KLF12: variants seen among roughly 807,000 people sequenced by gnomAD.
KLF12 encodes the protein Krueppel-like factor 12.
Under a neutral mutation model 37.8 loss-of-function variants are expected in KLF12, and 9 were observed. The observed-to-expected ratio is 0.24, with a 90% CI of 0.14 to 0.42. The LOEUF is 0.42. Ranked by LOEUF, KLF12 falls within the 10% of genes least tolerant of loss-of-function variation. The pLI is 1.00. For synonymous variants in KLF12, 208 were observed against 202.1 expected (o/e 1.03, Z -0.25); for missense variants, 411 against 516.0 (o/e 0.80, Z 1.97).
chr13:74,244,711 T>A, the KLF12 span, among the ~76,000 whole-genome samples: 3 of 152,202 alleles, frequency 2.0e-5, no homozygotes, highest in Non-Finnish European at 4.4e-5. Context: ...TCCCTTCATA[T>A]TTTTTGGATT....
intron 3 of KLF12, among the ~76,000 whole-genome samples, chr13:73,915,108 T>C (rs1246541480): frequency 1.3e-5 from 2 of 152,176 alleles, no homozygotes; most frequent in African/African-American, 4.8e-5. Context: ...TTCCAGTGGC[T>C]GCTGGTATTC....
the KLF12 span, among the ~76,000 whole-genome samples, chr13:74,270,375 G>C: frequency 6.6e-6 from 1 of 152,168 alleles, no homozygotes; most frequent in African/African-American, 2.4e-5. Flanking sequence ...GGTAAAAGGA[G>C]CTGGAGATTT....
chr13:74,245,613 G>A, the KLF12 span, among the ~76,000 whole-genome samples: 1 of 152,130 alleles, frequency 6.6e-6, no homozygotes, highest in Non-Finnish European at 1.5e-5. Context: ...ATTGCTCTGA[G>A]AACCTTGTTT....
chr13:73,938,544 A>G (rs1890052508), intron 3 of KLF12, among the ~76,000 whole-genome samples: 1 of 152,222 alleles, frequency 6.6e-6, no homozygotes, highest in Non-Finnish European at 1.5e-5. Context: ...CCACTTATTG[A>G]GCCCTGCCGA....
chr13:74,088,748 A>G (rs17062096), intron 1 of KLF12, among the ~76,000 whole-genome samples: 2,637 of 152,294 alleles, frequency 0.017, 71 homozygotes, highest in African/African-American at 0.055. Context: ...TGTACTTCTG[A>G]AAAGTGAGAA....
At chr13:74,117,453 G>A (rs1468438659) in intron 1 of KLF12, among the ~76,000 whole-genome samples, 1 of 149,874 alleles carries the variant, frequency 6.7e-6, no homozygotes, top group East Asian at 1.9e-4. Context: ...ATATACGCAT[G>A]TACCCATGCC....
chr13:74,098,696 A>G (rs541420303), intron 1 of KLF12, among the ~76,000 whole-genome samples: 15 of 152,366 alleles, frequency 9.8e-5, no homozygotes, highest in African/African-American at 3.6e-4. Flanking sequence ...AGCCAATACG[A>G]CAAGAAAGAA....
the KLF12 span, among the ~76,000 whole-genome samples, chr13:74,290,854 G>A: frequency 4.6e-5 from 7 of 152,274 alleles, no homozygotes; most frequent in East Asian, 3.9e-4. Context: ...TGCTAGCTCC[G>A]TTTGCACAGC....
intron 3 of KLF12, among the ~76,000 whole-genome samples, chr13:73,917,839 T>C (rs1888917130): frequency 6.6e-6 from 1 of 152,156 alleles, no homozygotes; most frequent in Admixed American, 6.6e-5. Context: ...ACATAATAGG[T>C]ATTCAGAAGG....
chr13:73,994,465 G>GCC (rs202143054), intron 2 of KLF12, among the ~76,000 whole-genome samples: 7 of 146,294 alleles, frequency 4.8e-5, no homozygotes, highest in Admixed American at 2.0e-4. Flanking sequence ...AATTCACAGC[G>GCC]CCCCCCCCAC....
chr13:73,854,888 AC>A (rs1470854058), intron 3 of KLF12, among the ~76,000 whole-genome samples: 1 of 152,166 alleles, frequency 6.6e-6, no homozygotes, highest in African/African-American at 2.4e-5. Flanking sequence ...ATATCGAGGG[AC>A]AACTGTATAT....
the KLF12 span, chr13:74,258,155 CTGTGTT>C: frequency 3.2e-4 from 28 of 88,360 alleles, no homozygotes; most frequent in African/African-American, 1.1e-3. Flanking sequence ...TGGTCTATTA[CTGTGTT>C]TGTGTGTGTG....
intron 6 of KLF12, among the ~76,000 whole-genome samples, chr13:73,721,361 A>C (rs1876233398): frequency 6.6e-6 from 1 of 152,244 alleles, no homozygotes; most frequent in African/African-American, 2.4e-5. Flanking sequence ...ATAGCATTTA[A>C]ATTTCCCCTT....
intron 3 of KLF12, among the ~76,000 whole-genome samples, chr13:73,861,915 A>G (rs1343950725): frequency 6.6e-6 from 1 of 152,128 alleles, no homozygotes; most frequent in Non-Finnish European, 1.5e-5. Flanking sequence ...TATGTAGAAA[A>G]ATTAACTTGA....
the KLF12 span, among the ~76,000 whole-genome samples, chr13:74,267,055 T>G: frequency 3.0e-3 from 459 of 152,282 alleles, 2 homozygotes; most frequent in Middle Eastern, 6.8e-3. Flanking sequence ...TAGATGTCAG[T>G]CAGCCTCCCC....
intron 1 of KLF12, among the ~76,000 whole-genome samples, chr13:74,103,007 C>T (rs906976020): frequency 6.6e-6 from 1 of 152,036 alleles, no homozygotes; most frequent in African/African-American, 2.4e-5. Context: ...TTGAGGGGGG[C>T]AGTAACACAC....
chr13:73,817,719 C>T (rs1374963680), intron 4 of KLF12, among the ~76,000 whole-genome samples: 1 of 152,220 alleles, frequency 6.6e-6, no homozygotes, highest in African/African-American at 2.4e-5. Flanking sequence ...TCAATTAAGG[C>T]ATATGCTGCA....
At chr13:73,717,550 A>G (rs1264237877) in intron 6 of KLF12, among the ~76,000 whole-genome samples, 1 of 152,208 alleles carries the variant, frequency 6.6e-6, no homozygotes, top group Non-Finnish European at 1.5e-5. Context: ...TTTTACTAAT[A>G]AATTAGGCAA....
At chr13:73,821,632 T>C (rs911440662) in intron 4 of KLF12, among the ~76,000 whole-genome samples, 30 of 152,220 alleles carry the variant, frequency 2.0e-4, no homozygotes, top group Admixed American at 1.3e-3. Context: ...ACTGAATGTA[T>C]GCAGGGCTTT....
Sources: allele counts gnomAD v4.1 joint callset (sites outside exome capture counted in the v4.1 genomes callset), GRCh38; gene constraint gnomAD v4.1.1; transcripts MANE v1.5; gene names NCBI Gene and HGNC (gene_info 2026-07-23, HGNC 2026-07-21).